NRXN1: variants seen among roughly 807,000 people sequenced by gnomAD.
NRXN1 encodes neurexin-1.
In NRXN1, 39 loss-of-function variants were observed where a neutral mutation model predicts 150.9. The ratio of observed to expected loss-of-function variants is 0.26; its 90% CI spans 0.20 to 0.34. The LOEUF is 0.34. Ranked by LOEUF, NRXN1 falls within the 10% of genes least tolerant of loss-of-function variation. The pLI is 1.00. For synonymous variants in NRXN1, 924 were observed against 757.0 expected (o/e 1.22, Z -3.62); for missense variants, 1,815 against 1,949.9 (o/e 0.93, Z 1.30).
At chr2:50,104,723 G>A (rs957901297) in intron 18 of NRXN1, among the ~76,000 whole-genome samples, 2 of 151,998 alleles carry the variant, frequency 1.3e-5, no homozygotes, top group Non-Finnish European at 2.9e-5. Context: ...AAGTATCAGA[G>A]CTGTGATTTT....
chr2:50,794,199 A>G (rs917180269), intron 5 of NRXN1, among the ~76,000 whole-genome samples: 1 of 152,120 alleles, frequency 6.6e-6, no homozygotes, highest in Non-Finnish European at 1.5e-5. Context: ...ATCCGACTGA[A>G]ACAGGCTTGA....
At chr2:50,218,730 A>G (rs2063577390) in intron 18 of NRXN1, among the ~76,000 whole-genome samples, 1 of 151,974 alleles carries the variant, frequency 6.6e-6, no homozygotes, top group Non-Finnish European at 1.5e-5. Flanking sequence ...GGGTTGGAAT[A>G]CAAGTGAGCC....
chr2:50,558,834 C>G (rs766899497), intron 8 of NRXN1, among the ~76,000 whole-genome samples: 2 of 152,146 alleles, frequency 1.3e-5, no homozygotes, highest in African/African-American at 4.8e-5. Context: ...CCGAGGAGGG[C>G]GGATCATGGA....
intron 20 of NRXN1, 97 bp downstream of exon 20, chr2:50,054,858 A>C: frequency 1.3e-6 from 1 of 791,202 alleles, no homozygotes; most frequent in Non-Finnish European, 1.9e-6. Context: ...AGTTTTACGG[A>C]AAATTTATTT....
chr2:50,951,037 A>C (rs772233668), intron 2 of NRXN1, among the ~76,000 whole-genome samples: 2 of 152,216 alleles, frequency 1.3e-5, no homozygotes, highest in Non-Finnish European at 2.9e-5. Context: ...CAGCCAAAAA[A>C]TGTGAGGTCC....
At chr2:50,969,905 T>C (rs1694743128) in intron 2 of NRXN1, among the ~76,000 whole-genome samples, 1 of 152,172 alleles carries the variant, frequency 6.6e-6, no homozygotes, top group Admixed American at 6.6e-5. Context: ...ATTGTCCACT[T>C]TTATGCTTAT....
At chr2:50,240,132 T>C (rs1186474378) in intron 17 of NRXN1, among the ~76,000 whole-genome samples, 5 of 151,662 alleles carry the variant, frequency 3.3e-5, no homozygotes, top group Non-Finnish European at 7.4e-5. Flanking sequence ...TAAAACTTGA[T>C]GACTAGAATG....
chr2:50,994,547 GA>G (rs1698998932), intron 2 of NRXN1, among the ~76,000 whole-genome samples: 1 of 151,966 alleles, frequency 6.6e-6, no homozygotes, highest in South Asian at 2.1e-4. Context: ...CTAGTCTAAA[GA>G]AAACCTCATC....
chr2:50,141,634 G>T (rs1055362362), intron 18 of NRXN1, among the ~76,000 whole-genome samples: 1 of 151,896 alleles, frequency 6.6e-6, no homozygotes, highest in Non-Finnish European at 1.5e-5. Context: ...ACACGTTAAA[G>T]AGTGGACAAA....
At chr2:50,686,491 C>G (rs1258844609) in intron 5 of NRXN1, among the ~76,000 whole-genome samples, 1 of 152,162 alleles carries the variant, frequency 6.6e-6, no homozygotes. Context: ...GAGAAAATCA[C>G]CTTTCTTGTT....
chr2:49,984,206 A>T (rs1014370296), intron 21 of NRXN1, among the ~76,000 whole-genome samples: 4 of 152,108 alleles, frequency 2.6e-5, no homozygotes, highest in African/African-American at 7.2e-5. Context: ...GCAAATACAG[A>T]CAAAGCAAGT....
At chr2:50,019,887 G>T (rs1000145838) in intron 21 of NRXN1, among the ~76,000 whole-genome samples, 17 of 141,614 alleles carry the variant, frequency 1.2e-4, no homozygotes, top group African/African-American at 4.5e-4. Context: ...GGCGGAGCTT[G>T]CAGTGAGCCG....
chr2:50,020,353 A>AT (rs891767153), intron 21 of NRXN1, among the ~76,000 whole-genome samples: 1 of 152,184 alleles, frequency 6.6e-6, no homozygotes, highest in Non-Finnish European at 1.5e-5. Flanking sequence ...CTGTAGTTTC[A>AT]TTTTTTATTC....
At chr2:50,995,218 A>T (rs1699082890) in intron 2 of NRXN1, among the ~76,000 whole-genome samples, 2 of 152,004 alleles carry the variant, frequency 1.3e-5, no homozygotes, top group Admixed American at 1.3e-4. Flanking sequence ...GTTACGCCTT[A>T]TAGTTTTCCA....
intron 17 of NRXN1, among the ~76,000 whole-genome samples, chr2:50,249,582 G>T (rs191262971): frequency 1.4e-3 from 219 of 151,468 alleles, no homozygotes; most frequent in African/African-American, 5.0e-3. Context: ...ACATAGCTCT[G>T]AAATCCAGCT....
chr2:50,743,195 G>A (rs545073038), intron 5 of NRXN1, among the ~76,000 whole-genome samples: 1 of 152,248 alleles, frequency 6.6e-6, no homozygotes, highest in East Asian at 1.9e-4. Flanking sequence ...TGAACTTGAG[G>A]TTAGGTGGGT....
At chr2:50,767,004 A>G (rs1702460022) in intron 5 of NRXN1, among the ~76,000 whole-genome samples, 1 of 152,104 alleles carries the variant, frequency 6.6e-6, no homozygotes, top group South Asian at 2.1e-4. Flanking sequence ...CCTTGGATAC[A>G]CTGGCTAGAC....
intron 5 of NRXN1, among the ~76,000 whole-genome samples, chr2:50,680,987 A>C (rs1441429763): frequency 6.6e-6 from 1 of 152,196 alleles, no homozygotes; most frequent in Non-Finnish European, 1.5e-5. Flanking sequence ...TAGTAAAAAA[A>C]AAATTCTGTG....
At chr2:51,007,274 T>C (rs1051605045) in intron 2 of NRXN1, among the ~76,000 whole-genome samples, 1 of 151,914 alleles carries the variant, frequency 6.6e-6, no homozygotes, top group African/African-American at 2.4e-5. Context: ...GAAAGGGTAT[T>C]CAAAAAAAAT....
Sources: gnomAD v4.1 joint callset for allele counts (sites outside exome capture counted in the v4.1 genomes callset) on GRCh38, gnomAD v4.1.1 for gene constraint, MANE v1.5 for transcripts, NCBI Gene and HGNC (gene_info 2026-07-23, HGNC 2026-07-21) for gene names.